Variants in ABTB3 observed in about 807,000 individuals in gnomAD.
The protein encoded by ABTB3 is ankyrin repeat and BTB domain containing 3, also known as ankyrin repeat- and BTB/POZ domain-containing protein 3.
chr12:107,656,687 A>G, the ABTB3 span, among the ~76,000 whole-genome samples: 1 of 152,274 alleles, frequency 6.6e-6, no homozygotes, highest in African/African-American at 2.4e-5. Flanking sequence ...GCTATATATT[A>G]TGCTTTTATT....
chr12:107,466,995 G>A, the ABTB3 span, among the ~76,000 whole-genome samples: 1 of 152,138 alleles, frequency 6.6e-6, no homozygotes, highest in Non-Finnish European at 1.5e-5. Flanking sequence ...GGCCCCAAGG[G>A]CATTGGAAAT....
the ABTB3 span, among the ~76,000 whole-genome samples, chr12:107,463,328 T>C: frequency 6.6e-6 from 1 of 151,666 alleles, no homozygotes; most frequent in Non-Finnish European, 1.5e-5. Flanking sequence ...GTGAGGGTGA[T>C]GGTGGTTGAT....
At chr12:107,386,110 T>C in the ABTB3 span, among the ~76,000 whole-genome samples, 2 of 152,344 alleles carry the variant, frequency 1.3e-5, no homozygotes, top group Non-Finnish European at 2.9e-5. Context: ...CTCTCCTGCC[T>C]CAGGGCCTTT....
the ABTB3 span, among the ~76,000 whole-genome samples, chr12:107,387,410 G>T: frequency 5.3e-5 from 8 of 152,196 alleles, no homozygotes; most frequent in African/African-American, 1.9e-4. Context: ...CTAAGTCAGT[G>T]AATTTTTGTT....
the ABTB3 span, among the ~76,000 whole-genome samples, chr12:107,424,739 G>T: frequency 3.3e-5 from 5 of 152,112 alleles, no homozygotes; most frequent in African/African-American, 7.2e-5. Flanking sequence ...TGCTGGAAGG[G>T]TCCACCTAGA....
chr12:107,424,632 C>G, the ABTB3 span, among the ~76,000 whole-genome samples: 3 of 152,134 alleles, frequency 2.0e-5, no homozygotes, highest in Non-Finnish European at 2.9e-5. Context: ...ATGACATGCA[C>G]TTTATGAGGT....
chr12:107,339,732 A>C, the ABTB3 span, among the ~76,000 whole-genome samples: 3 of 151,740 alleles, frequency 2.0e-5, no homozygotes, highest in Non-Finnish European at 1.5e-5. Flanking sequence ...GCCTATATCA[A>C]CTCAGCAGAA....
the ABTB3 span, among the ~76,000 whole-genome samples, chr12:107,374,205 T>G: frequency 6.6e-6 from 1 of 152,188 alleles, no homozygotes; most frequent in Non-Finnish European, 1.5e-5. Context: ...TCTGCTCCGT[T>G]TTCCAAATCG....
At chr12:107,352,084 C>A in the ABTB3 span, among the ~76,000 whole-genome samples, 1 of 152,174 alleles carries the variant, frequency 6.6e-6, no homozygotes, top group Non-Finnish European at 1.5e-5. Context: ...GCAGACAGTT[C>A]TGCCCTTTCA....
the ABTB3 span, among the ~76,000 whole-genome samples, chr12:107,653,209 CTTG>C: frequency 6.6e-6 from 1 of 152,192 alleles, no homozygotes; most frequent in Admixed American, 6.5e-5. Context: ...GCTCCTATTG[CTTG>C]TTGTGAAAAA....
chr12:107,538,598 C>T, the ABTB3 span, among the ~76,000 whole-genome samples: 1 of 152,324 alleles, frequency 6.6e-6, no homozygotes, highest in South Asian at 2.1e-4. Context: ...ATTTCAGCAC[C>T]AGCTTCCTTC....
chr12:107,329,466 A>G, the ABTB3 span, among the ~76,000 whole-genome samples: 1 of 152,258 alleles, frequency 6.6e-6, no homozygotes, highest in Non-Finnish European at 1.5e-5. Flanking sequence ...ATAAGTACTC[A>G]ATATCTGTTA....
the ABTB3 span, among the ~76,000 whole-genome samples, chr12:107,473,180 A>G: frequency 6.6e-6 from 1 of 152,156 alleles, no homozygotes; most frequent in Non-Finnish European, 1.5e-5. Flanking sequence ...ATACATACAG[A>G]AAGTGCACAC....
chr12:107,516,228 C>CTT, the ABTB3 span, among the ~76,000 whole-genome samples: 3 of 148,478 alleles, frequency 2.0e-5, no homozygotes, highest in Non-Finnish European at 3.0e-5. Context: ...ATCCATTATT[C>CTT]TTTTTTTTTT....
chr12:107,408,217 G>A, the ABTB3 span, among the ~76,000 whole-genome samples: 1 of 152,302 alleles, frequency 6.6e-6, no homozygotes, highest in South Asian at 2.1e-4. Context: ...GCACATAAAG[G>A]AGAGAAAGGC....
At chr12:107,404,162 C>CAAACA in the ABTB3 span, among the ~76,000 whole-genome samples, 1 of 40,258 alleles carries the variant, frequency 2.5e-5, no homozygotes, top group Non-Finnish European at 4.4e-5. Flanking sequence ...GACTCTAACT[C>CAAACA]AAAAAAAAAA....
the ABTB3 span, among the ~76,000 whole-genome samples, chr12:107,339,643 G>C: frequency 6.6e-6 from 1 of 151,616 alleles, no homozygotes; most frequent in Non-Finnish European, 1.5e-5. Context: ...TGCTATAGTA[G>C]TGCCCGAGAA....
chr12:107,432,954 G>GCTT, the ABTB3 span, among the ~76,000 whole-genome samples: 2 of 152,162 alleles, frequency 1.3e-5, no homozygotes, highest in Non-Finnish European at 2.9e-5. Flanking sequence ...CTATTTGCCT[G>GCTT]CTTCTTCTTC....
the ABTB3 span, among the ~76,000 whole-genome samples, chr12:107,493,082 GAA>G: frequency 5.1e-3 from 721 of 140,132 alleles, 7 homozygotes; most frequent in African/African-American, 0.017. Flanking sequence ...ACAGAGAAAA[GAA>G]AAAAAAAAAA....
Sources: gnomAD v4.1 joint callset for allele counts (sites outside exome capture counted in the v4.1 genomes callset) on GRCh38, gnomAD v4.1.1 for gene constraint, MANE v1.5 for transcripts, NCBI Gene and HGNC (gene_info 2026-07-23, HGNC 2026-07-21) for gene names.